Variants in E2F3 observed in about 807,000 individuals in gnomAD.
The protein encoded by E2F3 is E2F transcription factor 3.
In E2F3, 11 loss-of-function variants were observed where a neutral mutation model predicts 44.4. The observed-to-expected ratio is 0.25, with a 90% CI of 0.16 to 0.41. The LOEUF (loss-of-function observed/expected upper bound fraction) is 0.41, where lower values mean the gene tolerates loss of function less well. Among genes scored for constraint, E2F3 ranks in the 10% least tolerant of loss-of-function variants. The probability of loss-of-function intolerance (pLI) is 1.00; values close to 1 mark genes in which losing one functional copy is unlikely to be tolerated. For synonymous variants in E2F3, 249 were observed against 253.0 expected (o/e 0.98, Z 0.15); for missense variants, 487 against 583.6 (o/e 0.83, Z 1.70).
chr6:20,410,482 T>C (rs182243461), intron 1 of E2F3, among the ~76,000 whole-genome samples: 3 of 152,340 alleles, frequency 2.0e-5, no homozygotes, highest in Admixed American at 1.3e-4. Flanking sequence ...GTTAGGAAGT[T>C]GCAATGAGTT....
chr6:20,415,401 T>C (rs781161015), intron 1 of E2F3, among the ~76,000 whole-genome samples: 14 of 152,210 alleles, frequency 9.2e-5, no homozygotes, highest in Non-Finnish European at 1.9e-4. Flanking sequence ...TTCTCCGTGG[T>C]GATAGTTTGT....
intron 1 of E2F3, among the ~76,000 whole-genome samples, chr6:20,436,192 G>A (rs1193716454): frequency 1.3e-5 from 2 of 152,220 alleles, no homozygotes; most frequent in Middle Eastern, 3.4e-3. Flanking sequence ...TGTTGGCCAG[G>A]TTGGTCTCAA....
intron 4 of E2F3, 125 bp downstream of exon 4, chr6:20,483,045 CTGTGTGTGTATG>C: frequency 2.1e-6 from 3 of 1,412,270 alleles, no homozygotes; most frequent in South Asian, 1.2e-5. Flanking sequence ...ACCTGTGTGC[CTGTGTGTGTATG>C]TGTGTGTGTG....
At chr6:20,465,081 T>C (rs1761656679) in intron 1 of E2F3, among the ~76,000 whole-genome samples, 1 of 152,228 alleles carries the variant, frequency 6.6e-6, no homozygotes, top group African/African-American at 2.4e-5. Context: ...TGGGTTTTGA[T>C]AGCACAGTGC....
chr6:20,406,585 A>G (rs1759500858), intron 1 of E2F3, among the ~76,000 whole-genome samples: 1 of 152,186 alleles, frequency 6.6e-6, no homozygotes, highest in Non-Finnish European at 1.5e-5. Context: ...TGGCCATCCT[A>G]GGGGTAAAAT....
intron 1 of E2F3, among the ~76,000 whole-genome samples, chr6:20,466,533 T>G (rs1761716004): frequency 6.6e-6 from 1 of 152,188 alleles, no homozygotes; most frequent in African/African-American, 2.4e-5. Context: ...TGTTCTTAGC[T>G]GACTTTTTGG....
intron 1 of E2F3, among the ~76,000 whole-genome samples, chr6:20,443,890 A>T (rs1437535880): frequency 6.6e-6 from 1 of 152,214 alleles, no homozygotes; most frequent in Non-Finnish European, 1.5e-5. Flanking sequence ...TTAATTTCAT[A>T]TCAAGTACTT....
At chr6:20,431,288 T>A (rs1387400240) in intron 1 of E2F3, among the ~76,000 whole-genome samples, 1 of 152,156 alleles carries the variant, frequency 6.6e-6, no homozygotes, top group Non-Finnish European at 1.5e-5. Context: ...TCAGTGACCT[T>A]AAAGATGTTT....
chr6:20,492,426 G>T lies in E2F3; in HGVS notation c.*1996G>T. 4.3e-6 allele frequency: 1 copy of T among 233,728 alleles called. No individual in the cohort carries two copies. Among genetic ancestry groups the T allele is most frequent in the South Asian group, 1.8e-4 (1 of 5,526 alleles). The allele number at this position is 233,728 out of a possible 1,614,324, so 14.5% of individuals were successfully genotyped here. On this transcript the variant is annotated 3_prime_UTR_variant, in exon 7 of 7. Coordinates refer to ENST00000346618, the MANE Select transcript of E2F3 (RefSeq NM_001949.5). ...TGGTCCTAGATGAAGCATTGGGGTG[G>T]GGGAGGGAGAGGGAGCTTTGTGTTA...
chr6:20,492,794 T>C lies in E2F3; in HGVS notation c.*2364T>C, dbSNP rs1762589142. The C allele has an allele frequency of 8.8e-6, 2 of 228,436 alleles. No homozygotes were observed. Among genetic ancestry groups the C allele is most frequent in the Non-Finnish European group, 1.7e-5 (2 of 114,850 alleles). 14.2% of individuals were successfully genotyped at this position (228,436 alleles called of 1,614,324 possible). A position where few individuals can be genotyped will look rare whatever the true frequency, so the allele number is the denominator to read the frequency against. ...CTGGTGTACATTAATTAGATGTCCATACTGTATTTTGTTTGCATTAAGTAA... is the reference window on the plus strand; with the variant it reads ...CTGGTGTACATTAATTAGATGTCCACACTGTATTTTGTTTGCATTAAGTAA... On this transcript the variant is annotated 3_prime_UTR_variant, in exon 7 of 7. Transcript: ENST00000346618.
intron 1 of E2F3, among the ~76,000 whole-genome samples, chr6:20,467,155 G>C (rs942845557): frequency 5.9e-5 from 9 of 152,092 alleles, no homozygotes; most frequent in African/African-American, 1.9e-4. Context: ...ATCTCATAAG[G>C]CTTCTTGAAC....
rs565564628 is a variant in E2F3, at chr6:20,413,029, GCAGACAGC to G, written c.393+10408_393+10415del. ...TATCATCCTTGTTCTACACAGGGAA[GCAGACAGC>G]CAGGGGTTAATGGCCTGGCTCTGGG... On this transcript the variant is annotated intron_variant, in intron 1 of 6. Transcript: ENST00000346618. 9.2e-4 allele frequency among the ~76,000 whole-genome samples: 140 copies of G among 152,298 alleles called. 3 individuals are homozygous for G. The South Asian group carries it at 0.028, about 30-fold the overall frequency.
At chr6:20,435,587 C>A (rs1319004939) in intron 1 of E2F3, among the ~76,000 whole-genome samples, 1 of 152,124 alleles carries the variant, frequency 6.6e-6, no homozygotes, top group Non-Finnish European at 1.5e-5. Context: ...CCTGTCTTTA[C>A]TAAAAATACA....
Position 20,492,541 on chromosome 6 carries a change from C to A in E2F3, c.*2111C>A, listed in dbSNP as rs1277008364. 2.1e-5 allele frequency: 5 copies of A among 233,254 alleles called. No homozygotes were observed. Among genetic ancestry groups the A allele is most frequent in the Non-Finnish European group, 4.2e-5 (5 of 117,776 alleles). The allele number at this position is 233,254 out of a possible 1,614,324, so 14.4% of individuals were successfully genotyped here. On this transcript the variant is annotated 3_prime_UTR_variant, in exon 7 of 7. Transcript: ENST00000346618. Reference sequence around the variant, plus strand: ...TCCCCATTTCCCATATTTATCTCATCTGGTTAGCTGCCTCTGCTTCCAGCT... The same window carrying A: ...TCCCCATTTCCCATATTTATCTCATATGGTTAGCTGCCTCTGCTTCCAGCT...
chr6:20,424,960 C>A (rs1277302218), intron 1 of E2F3, among the ~76,000 whole-genome samples: 1 of 152,188 alleles, frequency 6.6e-6, no homozygotes, highest in African/African-American at 2.4e-5. Flanking sequence ...GTGGGGTTTT[C>A]TCACATGACG....
chr6:20,485,397 G>A (rs997794650), intron 4 of E2F3, among the ~76,000 whole-genome samples: 12 of 151,978 alleles, frequency 7.9e-5, no homozygotes, highest in Non-Finnish European at 1.3e-4. Context: ...TGGGCAACAG[G>A]GTAAAACCCC....
chr6:20,463,275 G>A (rs1166501399), intron 1 of E2F3, among the ~76,000 whole-genome samples: 1 of 152,168 alleles, frequency 6.6e-6, no homozygotes, highest in Non-Finnish European at 1.5e-5. Context: ...GTGGCCAGGT[G>A]CAGTGGCACA....
At chr6:20,451,545 C>G (rs1316675270) in intron 1 of E2F3, among the ~76,000 whole-genome samples, 2 of 152,112 alleles carry the variant, frequency 1.3e-5, no homozygotes, top group Non-Finnish European at 2.9e-5. Context: ...TTTGGAGGCA[C>G]TTTATTTCTT....
In E2F3 at chr6:20,490,090, C is replaced by A; in HGVS notation, c.1136-78C>A. ...GAAGGTACATGCTTTTTTCTAACAG[C>A]AACATATACATTCTTCCAGAAAAAT... On this transcript the variant is annotated intron_variant, in intron 6 of 6. Transcript: ENST00000346618. This position sits in a 1 kb window ranked among gnomAD's most constrained non-coding sequence, Gnocchi z 4.3. 6.9e-7 allele frequency: 1 copy of A among 1,440,930 alleles called. No individual in the cohort carries two copies. The allele number at this position is 1,440,930 out of a possible 1,614,324, so 89.3% of individuals were successfully genotyped here.
Sources: allele counts gnomAD v4.1 joint callset (sites outside exome capture counted in the v4.1 genomes callset), GRCh38; gene constraint gnomAD v4.1.1; non-coding constraint Gnocchi (gnomAD v3.1); transcripts MANE v1.5; gene names NCBI Gene and HGNC (gene_info 2026-07-23, HGNC 2026-07-21).